Variants in TNR observed in about 807,000 individuals in gnomAD.
The protein encoded by TNR is tenascin-R.
A neutral mutation model predicts 150.4 loss-of-function variants in TNR; 45 were observed. The observed-to-expected ratio is 0.30, with a 90% CI of 0.24 to 0.38. The LOEUF is 0.38. Ranked by LOEUF, TNR falls within the 10% of genes least tolerant of loss-of-function variation. The pLI is 1.00. For missense variants in TNR, 1,544 were observed against 1,759.1 expected (o/e 0.88, Z 2.19); for synonymous variants, 687 against 678.4 (o/e 1.01, Z -0.20).
intron 1 of TNR, among the ~76,000 whole-genome samples, chr1:175,612,857 C>G (rs1362521845): frequency 6.6e-6 from 1 of 152,186 alleles, no homozygotes. Flanking sequence ...CAATCATTTA[C>G]TCAACAAATA....
In TNR at chr1:175,416,525, T is replaced by C. The variant is rs1654459264; in HGVS notation, c.-63-9748A>G. 1.3e-5 allele frequency among the ~76,000 whole-genome samples: 2 copies of C among 152,258 alleles called. 1 individual carries two copies. Among genetic ancestry groups the C allele is most frequent in the South Asian group, 4.1e-4 (2 of 4,832 alleles). ...TGTTTCTTGAGCTTGGAGAACAGCA[T>C]GTCACCATTCACTGTTCAATTATTC... On this transcript the variant is annotated intron_variant, in intron 2 of 22. Transcript: ENST00000367674.
chr1:175,431,774 T>C (rs1010152448), intron 2 of TNR, among the ~76,000 whole-genome samples: 1 of 152,008 alleles, frequency 6.6e-6, no homozygotes, highest in Non-Finnish European at 1.5e-5. Flanking sequence ...AGAAAGCTGA[T>C]GAAAACAGAT....
chr1:175,425,692 C>T (rs141831958), intron 2 of TNR, among the ~76,000 whole-genome samples: 2 of 152,282 alleles, frequency 1.3e-5, no homozygotes, highest in East Asian at 3.9e-4. Context: ...TGCACCCTTT[C>T]GCTCCACACA....
At chr1:175,550,366 T>C (rs564821643) in intron 1 of TNR, among the ~76,000 whole-genome samples, 7 of 152,250 alleles carry the variant, frequency 4.6e-5, no homozygotes, top group African/African-American at 1.2e-4. Context: ...ATGGTTACCC[T>C]CTGAGATGCT....
intron 21 of TNR, among the ~76,000 whole-genome samples, 186 bp from the exon 22 acceptor site, chr1:175,324,705 T>G (rs1202394920): frequency 6.6e-6 from 1 of 152,178 alleles, no homozygotes; most frequent in East Asian, 1.9e-4. Context: ...ACCACTTCCA[T>G]GCTACTCTCT....
At chr1:175,485,761 G>C (rs1425439418) in intron 2 of TNR, among the ~76,000 whole-genome samples, 1 of 152,106 alleles carries the variant, frequency 6.6e-6, no homozygotes, top group Non-Finnish European at 1.5e-5. Context: ...TATTTATATA[G>C]AATAAAATTG....
At chr1:175,717,694 A>G (rs1667190348) in intron 1 of TNR, among the ~76,000 whole-genome samples, 1 of 152,240 alleles carries the variant, frequency 6.6e-6, no homozygotes, top group African/African-American at 2.4e-5. Flanking sequence ...AGTCAGGCAC[A>G]GAGACATCTG....
chr1:175,659,098 C>A (rs1028063460), intron 1 of TNR, among the ~76,000 whole-genome samples: 1 of 152,254 alleles, frequency 6.6e-6, no homozygotes, highest in African/African-American at 2.4e-5. Context: ...ATTGCCCCAG[C>A]AGTCTCAGCT....
intron 2 of TNR, among the ~76,000 whole-genome samples, chr1:175,505,336 G>A (rs1021884818): frequency 2.0e-5 from 3 of 152,234 alleles, no homozygotes; most frequent in African/African-American, 7.2e-5. Context: ...CGGGACTGAC[G>A]GGCTGGCTGA....
chr1:175,741,434 A>C (rs1220484517), intron 1 of TNR, among the ~76,000 whole-genome samples: 1 of 152,156 alleles, frequency 6.6e-6, no homozygotes, highest in Admixed American at 6.5e-5. Context: ...CAAGGGCATA[A>C]TTTTTTAAAA....
intron 1 of TNR, among the ~76,000 whole-genome samples, chr1:175,672,715 G>A (rs1280627050): frequency 6.6e-6 from 1 of 152,206 alleles, no homozygotes; most frequent in African/African-American, 2.4e-5. Context: ...CAAGCCAAAT[G>A]AGACCTGGGG....
At chr1:175,547,276 T>C (rs992305579) in intron 1 of TNR, among the ~76,000 whole-genome samples, 2 of 152,224 alleles carry the variant, frequency 1.3e-5, no homozygotes, top group Non-Finnish European at 2.9e-5. Context: ...CTGGGTCATG[T>C]TGAAGCCACA....
chr1:175,359,148 T>TTTTG, intron 15 of TNR, among the ~76,000 whole-genome samples: 1 of 119,070 alleles, frequency 8.4e-6, no homozygotes, highest in Non-Finnish European at 1.8e-5. Context: ...TCTTTTTTTT[T>TTTTG]TTTTTTTTTT....
At chr1:175,621,035 C>G (rs1663956142) in intron 1 of TNR, among the ~76,000 whole-genome samples, 1 of 152,146 alleles carries the variant, frequency 6.6e-6, no homozygotes, top group African/African-American at 2.4e-5. Context: ...GACCACGCAC[C>G]CCTCTTCCCT....
At chr1:175,430,557 AT>A (rs555888153) in intron 2 of TNR, among the ~76,000 whole-genome samples, 127 of 152,330 alleles carry the variant, frequency 8.3e-4, no homozygotes, top group African/African-American at 2.9e-3. Flanking sequence ...AGAAAGCAGA[AT>A]TTAGAGATCA....
chr1:175,718,898 G>C (rs570188290), intron 1 of TNR, among the ~76,000 whole-genome samples: 2 of 152,204 alleles, frequency 1.3e-5, no homozygotes. Flanking sequence ...TGCTGGGCAA[G>C]AGAACTATCC....
chr1:175,711,832 G>C (rs894424215), intron 1 of TNR, among the ~76,000 whole-genome samples: 1 of 152,156 alleles, frequency 6.6e-6, no homozygotes, highest in Non-Finnish European at 1.5e-5. Flanking sequence ...ATCTGAGTTG[G>C]GAAATTGTCA....
At chr1:175,733,743 T>C (rs1355521374) in intron 1 of TNR, among the ~76,000 whole-genome samples, 2 of 151,890 alleles carry the variant, frequency 1.3e-5, no homozygotes, top group Non-Finnish European at 2.9e-5. Context: ...CTCCAGAACA[T>C]CTCACCTGGC....
At chr1:175,427,889 G>GCTACCTTCCTTC (rs1655083683) in intron 2 of TNR, among the ~76,000 whole-genome samples, 1 of 111,436 alleles carries the variant, frequency 9.0e-6, no homozygotes, top group African/African-American at 3.3e-5. Flanking sequence ...TCCCTTCTTC[G>GCTACCTTCCTTC]CTTCCTTCCT....
Sources: gnomAD v4.1 joint callset for allele counts (sites outside exome capture counted in the v4.1 genomes callset) on GRCh38, gnomAD v4.1.1 for gene constraint, MANE v1.5 for transcripts, NCBI Gene and HGNC (gene_info 2026-07-23, HGNC 2026-07-21) for gene names.